MAN1A2: variants seen among roughly 807,000 people sequenced by gnomAD.
MAN1A2 encodes the protein mannosyl-oligosaccharide 1,2-alpha-mannosidase IB.
MAN1A2 carries 26 observed loss-of-function variants against 75.7 expected under a neutral mutation model. The ratio of observed to expected loss-of-function variants is 0.34; its 90% confidence interval spans 0.25 to 0.48. The LOEUF is 0.48. Ranked by LOEUF, MAN1A2 falls within the 20% of genes least tolerant of loss-of-function variation. The pLI, the probability that MAN1A2 is intolerant of heterozygous loss-of-function variation, is 0.99. For synonymous variants in MAN1A2, 247 were observed against 264.6 expected (o/e 0.93, Z 0.65); for missense variants, 562 against 775.5 (o/e 0.72, Z 3.27).
chr1:117,463,663 A>G (rs1649895330), intron 7 of MAN1A2, among the ~76,000 whole-genome samples: 1 of 152,192 alleles, frequency 6.6e-6, no homozygotes. Context: ...AGAGTGGTAT[A>G]TAGCATGTAG....
chr1:117,467,964 T>TCTAA (rs1409708961), intron 8 of MAN1A2, among the ~76,000 whole-genome samples: 2 of 152,122 alleles, frequency 1.3e-5, no homozygotes, highest in African/African-American at 4.8e-5. Flanking sequence ...GAAAGCCTTT[T>TCTAA]CTAAGCATGT....
rs58433227 is a variant in MAN1A2, at chr1:117,370,803, T to A, written c.302+2318T>A. On this transcript the variant is annotated intron_variant, in intron 1 of 12. Coordinates refer to ENST00000356554, the MANE Select transcript of MAN1A2 (RefSeq NM_006699.5). ...GGATAGAGGGCTGAGGAATGTTACT[T>A]TAACTAATAAGTAATGGAAAATAAG... Among the ~76,000 whole-genome samples, 31 of 151,268 alleles carry A rather than the reference T, an allele frequency of 2.0e-4. No individual in the cohort carries two copies. The East Asian group carries it at 6.0e-3, about 30-fold the overall frequency.
chr1:117,434,473 C>T (rs1355054370), intron 5 of MAN1A2, among the ~76,000 whole-genome samples: 2 of 152,022 alleles, frequency 1.3e-5, no homozygotes, highest in East Asian at 1.9e-4. Flanking sequence ...TCTGACCCAG[C>T]GACCCACTTC....
intron 5 of MAN1A2, among the ~76,000 whole-genome samples, chr1:117,437,064 A>G (rs1648872990): frequency 6.6e-6 from 1 of 152,186 alleles, no homozygotes; most frequent in Non-Finnish European, 1.5e-5. Flanking sequence ...GTTCTGAGGA[A>G]CAGCCATCTA....
intron 12 of MAN1A2, among the ~76,000 whole-genome samples, chr1:117,506,967 C>T (rs992916509): frequency 6.6e-5 from 10 of 151,548 alleles, no homozygotes; most frequent in South Asian, 4.2e-4. Context: ...CATGTTAGTG[C>T]CTTACTTTTA....
chr1:117,432,484 A>T (rs991465316), intron 5 of MAN1A2, among the ~76,000 whole-genome samples: 4 of 152,230 alleles, frequency 2.6e-5, no homozygotes, highest in African/African-American at 9.6e-5. Context: ...AAGGCATAAT[A>T]ATGGAATATT....
At chr1:117,475,703 T>C (rs1268426838) in intron 8 of MAN1A2, among the ~76,000 whole-genome samples, 1 of 152,154 alleles carries the variant, frequency 6.6e-6, no homozygotes. Flanking sequence ...CTCATCCTTT[T>C]TTATGGCTGC....
chr1:117,377,209 T>A (rs1397505220), intron 1 of MAN1A2, among the ~76,000 whole-genome samples: 1 of 152,218 alleles, frequency 6.6e-6, no homozygotes, highest in Non-Finnish European at 1.5e-5. Context: ...TTGGTGTGTA[T>A]CTGTTAAATA....
chr1:117,381,455 G>C (rs749262491), intron 1 of MAN1A2, among the ~76,000 whole-genome samples: 4 of 151,900 alleles, frequency 2.6e-5, no homozygotes, highest in Non-Finnish European at 5.9e-5. Context: ...TTGTCTTTGC[G>C]ATAGTTTACT....
At chr1:117,438,691 ATACT>A (rs1259993174) in intron 5 of MAN1A2, among the ~76,000 whole-genome samples, 1 of 152,206 alleles carries the variant, frequency 6.6e-6, no homozygotes, top group African/African-American at 2.4e-5. Flanking sequence ...AGGTAAACAA[ATACT>A]TACCATTGTG....
intron 3 of MAN1A2, among the ~76,000 whole-genome samples, chr1:117,412,891 T>G (rs564009248): frequency 1.0e-3 from 157 of 151,958 alleles, no homozygotes; most frequent in African/African-American, 3.8e-3. Context: ...CACTCCAGAA[T>G]AGTCAATACC....
At chr1:117,410,453 A>C (rs1486730491) in intron 3 of MAN1A2, among the ~76,000 whole-genome samples, 2 of 151,868 alleles carry the variant, frequency 1.3e-5, no homozygotes, top group Non-Finnish European at 3.0e-5. Flanking sequence ...GAGAATTTCA[A>C]AACAACAACA....
At chr1:117,379,426 T>G (rs556240091) in intron 1 of MAN1A2, among the ~76,000 whole-genome samples, 1 of 152,274 alleles carries the variant, frequency 6.6e-6, no homozygotes, top group South Asian at 2.1e-4. Context: ...CTCTTCAAAA[T>G]TTTTTGCTCT....
chr1:117,482,590 G>A (rs1431115314), intron 8 of MAN1A2, among the ~76,000 whole-genome samples: 3 of 151,580 alleles, frequency 2.0e-5, no homozygotes, highest in Middle Eastern at 3.2e-3. Context: ...TGATGGGGTT[G>A]TTTTTTTTCT....
rs140693835 is a variant in MAN1A2, at chr1:117,520,032, G to A, written c.1794-2793G>A. On this transcript the variant is annotated intron_variant, in intron 12 of 12. Coordinates refer to ENST00000356554, the MANE Select transcript of MAN1A2 (RefSeq NM_006699.5). The stretch of plus-strand genomic sequence containing the variant: ...TGCAGGGATGGTTTAACATATGCAA[G>A]TCAATAAATGTGATATCCCACATAA... Among the ~76,000 whole-genome samples the A allele has an allele frequency of 6.6e-3, 1,007 of 152,106 alleles. 2 individuals carry two copies. Among genetic ancestry groups the A allele is most frequent in the Middle Eastern group, 0.014 (4 of 294 alleles).
intron 6 of MAN1A2, among the ~76,000 whole-genome samples, chr1:117,444,184 A>G (rs1649135163): frequency 6.6e-6 from 1 of 152,270 alleles, no homozygotes; most frequent in East Asian, 1.9e-4. Flanking sequence ...AGATCTAAAT[A>G]AATCTTTGTG....
chr1:117,398,647 C>T (rs528750947), intron 1 of MAN1A2, among the ~76,000 whole-genome samples: 101 of 148,980 alleles, frequency 6.8e-4, no homozygotes, highest in African/African-American at 2.4e-3. Context: ...GCACTACAGC[C>T]TGGGTGACAG....
At chr1:117,383,251 A>T (rs903886117) in intron 1 of MAN1A2, among the ~76,000 whole-genome samples, 1 of 152,022 alleles carries the variant, frequency 6.6e-6, no homozygotes, top group Non-Finnish European at 1.5e-5. Flanking sequence ...TATTAATGTG[A>T]TATGTTACAT....
chr1:117,391,968 C>A (rs747902757), intron 1 of MAN1A2, among the ~76,000 whole-genome samples: 2 of 152,106 alleles, frequency 1.3e-5, no homozygotes, highest in African/African-American at 4.8e-5. Context: ...GGTCCTTCTT[C>A]TCTGTATCTA....
Sources: gnomAD v4.1 joint callset for allele counts (sites outside exome capture counted in the v4.1 genomes callset) on GRCh38, gnomAD v4.1.1 for gene constraint, MANE v1.5 for transcripts, NCBI Gene and HGNC (gene_info 2026-07-23, HGNC 2026-07-21) for gene names.